The following VWA8 variants were observed in gnomAD, a reference collection of about 807,000 sequenced individuals.
The protein encoded by VWA8 is von Willebrand factor A domain containing 8.
VWA8 carries 221 observed loss-of-function variants against 241.5 expected under a neutral mutation model. That is an observed-to-expected ratio of 0.91 (90% CI 0.82 to 1.02). The LOEUF is 1.02. Ranked by LOEUF, VWA8 falls within the 50% of genes least tolerant of loss-of-function variation. The pLI is 0.00. For missense variants in VWA8, 2,322 were observed against 2,328.7 expected, an observed-to-expected ratio of 1.00 and a Z score of 0.06; for synonymous variants, 852 against 827.1, an observed-to-expected ratio of 1.03 and a Z score of -0.52.
At chr13:41,913,876 A>G (rs1018908493) in intron 2 of VWA8, among the ~76,000 whole-genome samples, 5 of 152,224 alleles carry the variant, frequency 3.3e-5, no homozygotes, top group Admixed American at 3.3e-4. Flanking sequence ...TCCCTAAGAC[A>G]TGCATCCCTA....
chr13:41,718,004 G>A (rs1319055582), intron 26 of VWA8, among the ~76,000 whole-genome samples: 1 of 151,930 alleles, frequency 6.6e-6, no homozygotes, highest in Admixed American at 6.6e-5. Flanking sequence ...GGATGACAAT[G>A]AATAAGTTAA....
chr13:41,897,693 G>A lies in VWA8; in HGVS notation c.484-6106C>T, dbSNP rs2875455. 9.9e-3 allele frequency among the ~76,000 whole-genome samples: 1,503 copies of A among 152,158 alleles called. 20 individuals carry two copies. Among genetic ancestry groups the A allele is most frequent in the African/African-American group, 0.034 (1,429 of 41,504 alleles). On this transcript the variant is annotated intron_variant, in intron 4 of 44. Transcript: ENST00000379310. ...GTTGTTTGTTCCTCCCGGTGGGCTC[G>A]TGGTCTCGCTGGCTTCAGGAGTGAA...
chr13:41,761,227 A>G (rs2045737412), intron 20 of VWA8, 23 bp from the exon 21 acceptor site: 1 of 1,605,114 alleles, frequency 6.2e-7, no homozygotes, highest in Non-Finnish European at 8.5e-7. Flanking sequence ...AGAAAACATT[A>G]AACAAAAAGA....
intron 26 of VWA8, among the ~76,000 whole-genome samples, chr13:41,713,343 C>G (rs528445926): frequency 6.7e-4 from 102 of 152,212 alleles, no homozygotes; most frequent in Non-Finnish European, 1.4e-3. Context: ...TAGGGCCTCT[C>G]TCAAAAACAA....
chr13:41,865,516 A>C (rs1364793202), intron 12 of VWA8: 2 of 457,460 alleles, frequency 4.4e-6, no homozygotes, highest in Non-Finnish European at 7.7e-6. Flanking sequence ...TCTTTGAAAA[A>C]CAGCCCCTGG....
At chr13:41,625,318 T>C (rs1441612032) in intron 37 of VWA8, among the ~76,000 whole-genome samples, 1 of 152,084 alleles carries the variant, frequency 6.6e-6, no homozygotes, top group Non-Finnish European at 1.5e-5. Context: ...GAGAAAATTT[T>C]CGCAACCTAC....
At chr13:41,593,037 T>TTC (rs2044466517) in intron 40 of VWA8, among the ~76,000 whole-genome samples, 1 of 152,186 alleles carries the variant, frequency 6.6e-6, no homozygotes, top group Non-Finnish European at 1.5e-5. Flanking sequence ...CATCAGTGTT[T>TTC]CATGGGAGGT....
chr13:41,856,548 T>C (rs1283512280), intron 12 of VWA8, among the ~76,000 whole-genome samples: 1 of 152,152 alleles, frequency 6.6e-6, no homozygotes, highest in Admixed American at 6.5e-5. Context: ...AGGCTAGGCA[T>C]AGTGGCTAAC....
chr13:41,596,522 C>T (rs1028131532), intron 40 of VWA8, among the ~76,000 whole-genome samples: 22 of 151,880 alleles, frequency 1.4e-4, no homozygotes, highest in African/African-American at 5.1e-4. Flanking sequence ...CAAACATGTT[C>T]TTTGTTATAT....
intron 18 of VWA8, among the ~76,000 whole-genome samples, chr13:41,784,725 TATATAC>T (rs1389075838): frequency 2.2e-4 from 13 of 59,888 alleles, no homozygotes; most frequent in Admixed American, 6.4e-4. Context: ...TATATATATA[TATATAC>T]ACACACATAT....
chr13:41,777,936 T>C (rs1298950513), intron 20 of VWA8, 49 bp downstream of exon 20: 5 of 1,469,832 alleles, frequency 3.4e-6, no homozygotes, highest in Middle Eastern at 1.8e-4. Flanking sequence ...TGCTTTTAAA[T>C]TGTTACTATC....
In VWA8 at chr13:41,814,604, AAG is replaced by A. The variant is rs373593316; in HGVS notation, c.1947+2092_1947+2093del. 5.8e-3 allele frequency among the ~76,000 whole-genome samples: 886 copies of A among 152,334 alleles called. 8 individuals carry two copies. The highest frequency in any genetic ancestry group is 8.0e-3 in the Non-Finnish European group (545 of 68,024). ...GCAGGCTGTCTTCAGTCTACAGGCA[AAG>A]AGAGTCAATCCCTTAACGGTTTTAA... On this transcript the variant is annotated intron_variant, in intron 16 of 44. Coordinates refer to ENST00000379310, the MANE Select transcript of VWA8 (RefSeq NM_015058.2).
chr13:41,960,872 G>A lies in VWA8; in HGVS notation c.144C>T (p.Ala48=). 2 of 1,518,932 alleles carry A rather than the reference G, an allele frequency of 1.3e-6. No individual in the cohort carries two copies. The highest frequency in any genetic ancestry group is 1.8e-6 in the Non-Finnish European group (2 of 1,139,312). 94.1% of individuals were successfully genotyped at this position (1,518,932 alleles called of 1,614,324 possible). The stretch of plus-strand genomic sequence containing the variant: ...AGTTACCTGTGTCGGCCCCCGAGCC[G>A]GCGTGCAACAGTCTGACCTCCGGCC... ...RQRPEVRLLH[A]GSGADTGDTV... The change falls in exon 1 of 45, where the codon GCC becomes GCT. Residue 48 remains alanine, a synonymous_variant. Coordinates refer to ENST00000379310, the MANE Select transcript of VWA8 (RefSeq NM_015058.2).
chr13:41,950,367 C>CT (rs34383299), intron 1 of VWA8, among the ~76,000 whole-genome samples: 89 of 147,100 alleles, frequency 6.1e-4, no homozygotes, highest in Middle Eastern at 3.5e-3. Context: ...AGAGTAAAAT[C>CT]TTTTTTTTTT....
At chr13:41,867,866 CATATAG>C (rs571523231) in intron 10 of VWA8, among the ~76,000 whole-genome samples, 11 of 152,084 alleles carry the variant, frequency 7.2e-5, no homozygotes, top group Non-Finnish European at 7.4e-5. Context: ...TATATATACA[CATATAG>C]ATATATATAG....
intron 29 of VWA8, among the ~76,000 whole-genome samples, chr13:41,694,791 TG>T (rs1306004282): frequency 6.6e-6 from 1 of 152,136 alleles, no homozygotes; most frequent in Non-Finnish European, 1.5e-5. Flanking sequence ...TAAACAAATA[TG>T]ATCAAGCAGA....
At chr13:41,804,571 G>C (rs115410699) in intron 17 of VWA8, among the ~76,000 whole-genome samples, 2,881 of 152,090 alleles carry the variant, frequency 0.019, 95 homozygotes, top group African/African-American at 0.065. Flanking sequence ...AGAAATATCT[G>C]AAGCCTCAAA....
intron 2 of VWA8, among the ~76,000 whole-genome samples, chr13:41,919,089 A>C (rs148522497): frequency 5.6e-4 from 86 of 152,264 alleles, no homozygotes; most frequent in African/African-American, 2.0e-3. Flanking sequence ...CGACATTTCC[A>C]CCAAAATAAA....
intron 37 of VWA8, among the ~76,000 whole-genome samples, chr13:41,625,462 C>T (rs938881678): frequency 3.5e-4 from 53 of 152,184 alleles, no homozygotes; most frequent in Middle Eastern, 3.4e-3. Flanking sequence ...ATTTATGCAG[C>T]GAAAAAACAT....
Sources: gnomAD v4.1 joint callset for allele counts (sites outside exome capture counted in the v4.1 genomes callset) on GRCh38, gnomAD v4.1.1 for gene constraint, MANE v1.5 for transcripts, NCBI Gene and HGNC (gene_info 2026-07-23, HGNC 2026-07-21) for gene names.